The following NPY4R2 variants were observed in gnomAD, a reference collection of about 807,000 sequenced individuals.
The protein encoded by NPY4R2 is neuropeptide Y receptor type 4-2.
For missense variants in NPY4R2, 7 were observed against 268.8 expected (o/e 0.03, Z 6.81); for synonymous variants, 6 against 115.2 (o/e 0.05, Z 6.07).
chr10:47,916,525 T>C (rs1841667039), upstream of NPY4R2, among the ~76,000 whole-genome samples: 1 of 127,652 alleles, frequency 7.8e-6, no homozygotes, highest in South Asian at 2.6e-4. Context: ...AGCCCTACCA[T>C]CTACAAGTTG....
chr10:47,918,548 G>C (rs1234059918), upstream of NPY4R2, among the ~76,000 whole-genome samples: 2 of 33,758 alleles, frequency 5.9e-5, 1 homozygote, highest in Admixed American at 5.3e-4. Context: ...CTCAAGATGC[G>C]GCTCCCCAGG....
chr10:47,918,429 GAA>G (rs1279141142), upstream of NPY4R2, among the ~76,000 whole-genome samples: 140 of 33,958 alleles, frequency 4.1e-3, 5 homozygotes, highest in Middle Eastern at 0.019. Context: ...AAGAAAGAAA[GAA>G]AGAGAGAGAG....
At chr10:47,916,659 G>C (rs1421977281), upstream of NPY4R2, among the ~76,000 whole-genome samples, 1 of 136,778 alleles carries the variant, frequency 7.3e-6, no homozygotes, top group African/African-American at 2.5e-5. Flanking sequence ...GCTTCTGCCT[G>C]GCAAGGGAGC....
chr10:47,918,379 G>A (rs1554991251), upstream of NPY4R2, among the ~76,000 whole-genome samples: 778 of 12,320 alleles, frequency 0.063, 21 homozygotes, highest in African/African-American at 0.25. Flanking sequence ...GAGAGAGAGA[G>A]AGAGAGAAAG....
chr10:47,918,371 GAGAGAGAGAGAGAGAA>G (rs1165704951), upstream of NPY4R2, among the ~76,000 whole-genome samples: 6 of 18,838 alleles, frequency 3.2e-4, 2 homozygotes, highest in Non-Finnish European at 5.7e-4. Context: ...GAGAGAGAGA[GAGAGAGAGAGAGAGAA>G]AGAAAGAAAG....
chr10:47,923,171 AG>A, exon 3 of NPY4R2: 1 of 323,554 alleles, frequency 3.1e-6, no homozygotes, highest in Non-Finnish European at 5.0e-6. Context: ...CACTTAGCTA[AG>A]TGGGCACACT....
chr10:47,920,702 TG>T (rs1841724556), intron 1 of NPY4R2, 35 bp from the exon 2 acceptor site: 1 of 132,824 alleles, frequency 7.5e-6, no homozygotes, highest in Non-Finnish European at 1.6e-5. Context: ...AAGGGCCATG[TG>T]CATCAGAATC....
chr10:47,918,378 AG>A (rs1565912957), upstream of NPY4R2, among the ~76,000 whole-genome samples: 1 of 16,816 alleles, frequency 5.9e-5, no homozygotes, highest in African/African-American at 4.8e-4. Flanking sequence ...AGAGAGAGAG[AG>A]AGAGAGAAAG....
chr10:47,918,421 GAA>G (rs1168954226), upstream of NPY4R2, among the ~76,000 whole-genome samples: 2 of 34,854 alleles, frequency 5.7e-5, no homozygotes, highest in Non-Finnish European at 5.9e-5. Context: ...AAGAAAGAAA[GAA>G]AGAAAGAAAG....
upstream of NPY4R2, among the ~76,000 whole-genome samples, chr10:47,916,548 A>G (rs1434886859): frequency 2.3e-5 from 3 of 130,234 alleles, no homozygotes; most frequent in South Asian, 7.5e-4. Flanking sequence ...TGGCTGAGAC[A>G]AGACACTCTA....
At chr10:47,917,101 AG>A (rs1460951453), upstream of NPY4R2, among the ~76,000 whole-genome samples, 44,876 of 84,480 alleles carry the variant, frequency 0.53, 14,994 homozygotes, top group Non-Finnish European at 0.58. Flanking sequence ...GGGAGTGGGG[AG>A]ACAAAGCTGC....
chr10:47,918,656 C>T (rs1841003316), upstream of NPY4R2: 1 of 36,106 alleles, frequency 2.8e-5, no homozygotes, highest in South Asian at 8.6e-4. Context: ...GCGTAGCAGC[C>T]GCTCCACTCT....
At chr10:47,918,431 A>G (rs1462514798), upstream of NPY4R2, among the ~76,000 whole-genome samples, 161 of 31,080 alleles carry the variant, frequency 5.2e-3, 6 homozygotes, top group East Asian at 0.035. Flanking sequence ...GAAAGAAAGA[A>G]AGAGAGAGAG....
chr10:47,918,431 A>AAGAGAG (rs113496587), upstream of NPY4R2, among the ~76,000 whole-genome samples: 23 of 31,104 alleles, frequency 7.4e-4, 3 homozygotes, highest in East Asian at 0.012. Flanking sequence ...GAAAGAAAGA[A>AAGAGAG]AGAGAGAGAG....
chr10:47,920,233 G>T (rs1554990624), intron 1 of NPY4R2, among the ~76,000 whole-genome samples: 1 of 93,050 alleles, frequency 1.1e-5, no homozygotes, highest in African/African-American at 6.7e-5. Flanking sequence ...GACCAAATGA[G>T]ACTCTTTTTT....
upstream of NPY4R2, among the ~76,000 whole-genome samples, chr10:47,914,946 G>A (rs1363914038): frequency 6.6e-6 from 1 of 152,400 alleles, no homozygotes; most frequent in African/African-American, 2.4e-5. Flanking sequence ...TATCTCCTTT[G>A]TGCTGTTGAT....
At chr10:47,920,679 C>T (rs1840929145) in intron 1 of NPY4R2, 59 bp from the exon 2 acceptor site, 1 of 114,466 alleles carries the variant, frequency 8.7e-6, no homozygotes, top group South Asian at 3.3e-4. Flanking sequence ...CAGTGTTTTA[C>T]AAGATGGGGT....
chr10:47,918,401 G>GAAAGAAAGAA (rs1841692566), upstream of NPY4R2, among the ~76,000 whole-genome samples: 5 of 26,382 alleles, frequency 1.9e-4, 1 homozygote, highest in Non-Finnish European at 3.6e-4. Context: ...AAGAAAGAAA[G>GAAAGAAAGAA]AAAGAAAGAA....
intron 1 of NPY4R2, among the ~76,000 whole-genome samples, chr10:47,920,336 A>C (rs1840945806): frequency 2.8e-5 from 2 of 70,302 alleles, no homozygotes; most frequent in Non-Finnish European, 5.5e-5. Flanking sequence ...TCCCAGGTTC[A>C]AGTGATTCTC....
Sources: gnomAD v4.1 joint callset for allele counts (sites outside exome capture counted in the v4.1 genomes callset) on GRCh38, gnomAD v4.1.1 for gene constraint, MANE v1.5 for transcripts, NCBI Gene and HGNC (gene_info 2026-07-23, HGNC 2026-07-21) for gene names.